OSBPL8: variants seen among roughly 807,000 people sequenced by gnomAD.
OSBPL8 encodes oxysterol binding protein like 8.
OSBPL8 carries 59 observed loss-of-function variants against 125.5 expected under a neutral mutation model. The ratio of observed to expected loss-of-function variants is 0.47; its 90% CI spans 0.38 to 0.58. The LOEUF is 0.58. Ranked by LOEUF, OSBPL8 falls within the 20% of genes least tolerant of loss-of-function variation. The pLI, the probability that OSBPL8 is intolerant of heterozygous loss-of-function variation, is 0.00. For missense variants in OSBPL8, 758 were observed against 1,047.8 expected (o/e 0.72, Z 3.82); for synonymous variants, 330 against 338.9 (o/e 0.97, Z 0.29).
chr12:76,410,476 A>G, intron 5 of OSBPL8, 88 bp downstream of exon 5: 1 of 985,686 alleles, frequency 1.0e-6, no homozygotes, highest in South Asian at 1.5e-5. Context: ...AAACATCACA[A>G]AAAAGCTTCA....
chr12:76,544,035 G>C (rs534460810), intron 1 of OSBPL8, among the ~76,000 whole-genome samples: 2 of 152,184 alleles, frequency 1.3e-5, no homozygotes, highest in East Asian at 1.9e-4. Flanking sequence ...CAACACGTGG[G>C]AAACAGAACA....
chr12:76,549,911 C>G (rs888855518), intron 1 of OSBPL8, among the ~76,000 whole-genome samples: 1 of 148,418 alleles, frequency 6.7e-6, no homozygotes. Flanking sequence ...ATAAACAGAT[C>G]AAGCAGATGC....
intron 1 of OSBPL8, among the ~76,000 whole-genome samples, chr12:76,551,342 T>C (rs1199467075): frequency 6.6e-6 from 1 of 152,204 alleles, no homozygotes; most frequent in Non-Finnish European, 1.5e-5. Flanking sequence ...AGGGAACATC[T>C]GGCAATATCT....
At chr12:76,391,662 T>C (rs1239686099) in intron 10 of OSBPL8, among the ~76,000 whole-genome samples, 1 of 151,974 alleles carries the variant, frequency 6.6e-6, no homozygotes, top group Non-Finnish European at 1.5e-5. Context: ...ACTGGGCAGG[T>C]TGAGACTGGA....
Position 76,548,573 on chromosome 12 carries a change from G to A in OSBPL8, c.-68+10824C>T, listed in dbSNP as rs374872173. On this transcript the variant is annotated intron_variant, in intron 1 of 23. Coordinates refer to ENST00000261183, the MANE Select transcript of OSBPL8 (RefSeq NM_020841.5). ...CTAAAGAAAGTGAACCACTATCTAG[G>A]GAAAGCTAAGCGGAGGTGTGGCACA... 9.2e-5 allele frequency among the ~76,000 whole-genome samples: 14 copies of A among 152,250 alleles called. No homozygotes were observed. In the East Asian group the frequency reaches 1.5e-3, roughly 17 times the overall value.
intron 4 of OSBPL8, among the ~76,000 whole-genome samples, chr12:76,416,531 A>T (rs962644511): frequency 2.6e-5 from 4 of 152,138 alleles, no homozygotes; most frequent in Non-Finnish European, 5.9e-5. Context: ...TCTAGTTTCC[A>T]TGTTGTTCTC....
chr12:76,509,732 A>G (rs2137174345), intron 1 of OSBPL8, among the ~76,000 whole-genome samples: 1 of 152,340 alleles, frequency 6.6e-6, no homozygotes, highest in East Asian at 1.9e-4. Flanking sequence ...ACAAGAAGGA[A>G]GTGGATTAGA....
At chr12:76,439,763 T>C (rs1029900085) in intron 4 of OSBPL8, among the ~76,000 whole-genome samples, 3 of 152,192 alleles carry the variant, frequency 2.0e-5, no homozygotes, top group African/African-American at 7.2e-5. Flanking sequence ...TTTCATTAAG[T>C]TTTTGAAATT....
intron 4 of OSBPL8, among the ~76,000 whole-genome samples, chr12:76,442,183 C>G (rs907301332): frequency 6.6e-6 from 1 of 152,106 alleles, no homozygotes; most frequent in Non-Finnish European, 1.5e-5. Context: ...AAGACAGCTG[C>G]CCCCTATCTT....
At chr12:76,358,873 G>C in intron 21 of OSBPL8, 62 bp from the exon 22 acceptor site, 1 of 1,260,402 alleles carries the variant, frequency 7.9e-7, no homozygotes, top group Non-Finnish European at 1.2e-6. Context: ...GACCAACTGT[G>C]TACAATTGTC....
chr12:76,363,321 G>A (rs577873257), intron 21 of OSBPL8, among the ~76,000 whole-genome samples: 16 of 151,568 alleles, frequency 1.1e-4, no homozygotes, highest in African/African-American at 3.4e-4. Context: ...TATATAGACC[G>A]ATGGAACAGA....
chr12:76,407,918 G>A (rs912860201), intron 5 of OSBPL8, among the ~76,000 whole-genome samples: 1 of 152,040 alleles, frequency 6.6e-6, no homozygotes, highest in Non-Finnish European at 1.5e-5. Flanking sequence ...ATTTGTCTGA[G>A]CCTCAGTTTG....
chr12:76,372,530 C>T (rs1279511145), intron 18 of OSBPL8, among the ~76,000 whole-genome samples: 2 of 151,738 alleles, frequency 1.3e-5, no homozygotes, highest in Non-Finnish European at 2.9e-5. Context: ...ATCTTTTTTC[C>T]AGAAGACTCT....
At chr12:76,486,342 T>C (rs980387115) in intron 2 of OSBPL8, among the ~76,000 whole-genome samples, 2 of 152,158 alleles carry the variant, frequency 1.3e-5, no homozygotes, top group African/African-American at 4.8e-5. Context: ...CACAGCAATA[T>C]AAAAGACATA....
chr12:76,487,978 A>C (rs1201817365), intron 1 of OSBPL8, among the ~76,000 whole-genome samples: 1 of 152,224 alleles, frequency 6.6e-6, no homozygotes. Context: ...ATGTGGGGAA[A>C]CAGATATTCT....
intron 21 of OSBPL8, among the ~76,000 whole-genome samples, chr12:76,359,933 CA>C (rs1952135285): frequency 6.6e-6 from 1 of 152,164 alleles, no homozygotes; most frequent in South Asian, 2.1e-4. Flanking sequence ...TATGGGAGTA[CA>C]ATTCAAGATG....
At chr12:76,410,006 G>A (rs1181482022) in intron 5 of OSBPL8, among the ~76,000 whole-genome samples, 1 of 152,030 alleles carries the variant, frequency 6.6e-6, no homozygotes, top group Non-Finnish European at 1.5e-5. Context: ...AGGGAAACTG[G>A]TTACTGCATC....
At chr12:76,446,183 C>T (rs1872705769) in intron 4 of OSBPL8, among the ~76,000 whole-genome samples, 1 of 152,114 alleles carries the variant, frequency 6.6e-6, no homozygotes, top group African/African-American at 2.4e-5. Context: ...TATCAATAAG[C>T]TTTTGGAACT....
intron 2 of OSBPL8, among the ~76,000 whole-genome samples, chr12:76,479,166 C>A (rs1877168247): frequency 6.6e-6 from 1 of 152,174 alleles, no homozygotes; most frequent in Non-Finnish European, 1.5e-5. Context: ...AAATACCTAA[C>A]AAAATGTAGA....
Sources: gnomAD v4.1 joint callset for allele counts (sites outside exome capture counted in the v4.1 genomes callset) on GRCh38, gnomAD v4.1.1 for gene constraint, MANE v1.5 for transcripts, NCBI Gene and HGNC (gene_info 2026-07-23, HGNC 2026-07-21) for gene names.